Variants in CCDC171 observed in about 807,000 individuals in gnomAD.
CCDC171 encodes coiled-coil domain-containing protein 171.
CCDC171 carries 177 observed loss-of-function variants against 168.2 expected under a neutral mutation model. The observed-to-expected ratio is 1.05, with a 90% CI of 0.93 to 1.19. The LOEUF is 1.19. CCDC171 is among the 50% of genes most tolerant of loss of function. CCDC171 has a pLI of 0.00. For synonymous variants in CCDC171, 687 were observed against 540.8 expected, an observed-to-expected ratio of 1.27 and a Z score of -3.75; for missense variants, 1,991 against 1,539.0, an observed-to-expected ratio of 1.29 and a Z score of -4.91.
At chr9:15,610,280 C>A (rs1304783510) in intron 6 of CCDC171, among the ~76,000 whole-genome samples, 1 of 150,278 alleles carries the variant, frequency 6.7e-6, no homozygotes, top group Non-Finnish European at 1.5e-5. Flanking sequence ...GCTGGAAATG[C>A]AGTGGCTCGA....
downstream of CCDC171, among the ~76,000 whole-genome samples, chr9:15,978,056 A>C (rs997287982): frequency 6.6e-6 from 1 of 152,176 alleles, no homozygotes; most frequent in Non-Finnish European, 1.5e-5. Flanking sequence ...AGGCTTAGGC[A>C]GTAAAAGTGC....
chr9:15,688,553 T>C (rs1378827527), intron 10 of CCDC171, among the ~76,000 whole-genome samples: 3 of 152,196 alleles, frequency 2.0e-5, no homozygotes, highest in Non-Finnish European at 4.4e-5. Flanking sequence ...AGGAATGTAA[T>C]ACTAGTTTAA....
intron 7 of CCDC171, among the ~76,000 whole-genome samples, chr9:15,625,130 G>C (rs1252835173): frequency 2.0e-5 from 3 of 152,130 alleles, no homozygotes; most frequent in Non-Finnish European, 2.9e-5. Flanking sequence ...AGAAGTGTCT[G>C]TTCATATCCT....
chr9:15,642,553 T>A (rs1375082284), intron 7 of CCDC171, among the ~76,000 whole-genome samples: 2 of 151,666 alleles, frequency 1.3e-5, no homozygotes, highest in Non-Finnish European at 2.9e-5. Flanking sequence ...TCTGCTGGAT[T>A]TGAGAATTAA....
At chr9:15,758,299 G>C (rs2056249406) in intron 18 of CCDC171, among the ~76,000 whole-genome samples, 1 of 152,222 alleles carries the variant, frequency 6.6e-6, no homozygotes, top group African/African-American at 2.4e-5. Flanking sequence ...GGAGTCAAAG[G>C]AGATCATTTT....
chr9:15,729,478 T>C (rs1267749608), intron 15 of CCDC171, 132 bp from the exon 16 acceptor site: 1 of 510,660 alleles, frequency 2.0e-6, no homozygotes, highest in Non-Finnish European at 3.2e-6. Context: ...TTATTTACAT[T>C]TTATGTTAAA....
intron 4 of CCDC171, chr9:15,587,779 G>C (rs2041679258): frequency 3.0e-6 from 1 of 333,906 alleles, no homozygotes; most frequent in Non-Finnish European, 6.2e-6. Flanking sequence ...CCAGATATAT[G>C]AGGAAACCCT....
At chr9:16,101,473 TG>T in the CCDC171 span, among the ~76,000 whole-genome samples, 1 of 152,230 alleles carries the variant, frequency 6.6e-6, no homozygotes, top group Non-Finnish European at 1.5e-5. Flanking sequence ...AACCCGTGAA[TG>T]TGATGCAACA....
intron 7 of CCDC171, among the ~76,000 whole-genome samples, chr9:15,625,886 T>C (rs561455382): frequency 1.3e-5 from 2 of 152,336 alleles, no homozygotes; most frequent in Non-Finnish European, 2.9e-5. Flanking sequence ...GGGATGGCAT[T>C]GAATCTATAA....
chr9:15,954,451 T>G (rs1829563273), intron 25 of CCDC171, among the ~76,000 whole-genome samples: 1 of 152,230 alleles, frequency 6.6e-6, no homozygotes, highest in East Asian at 1.9e-4. Flanking sequence ...TATTTAAGAG[T>G]GTGTTGTTTA....
chr9:15,664,707 T>G (rs1202614750), intron 8 of CCDC171, among the ~76,000 whole-genome samples: 2 of 148,610 alleles, frequency 1.3e-5, no homozygotes, highest in East Asian at 1.9e-4. Context: ...TTTTTTTTTT[T>G]TTTTTTTTGA....
Position 16,060,540 on chromosome 9 carries a change from G to A in CCDC171, n.90-106G>A, listed in dbSNP as rs148638818. On this transcript the variant is annotated intron_variant and non_coding_transcript_variant, in intron 1 of 1. Transcript: ENST00000478913. ...CATTGCTATCAACTCTCTGTAAATG[G>A]TGGGTTCATTCACTCTGTGGATGAC... is the stretch of plus-strand genomic sequence containing the variant. 2.6e-5 allele frequency: 4 copies of A among 152,362 alleles called. No homozygotes were observed. In the East Asian group the frequency reaches 5.8e-4, roughly 22 times the overall value. 9.4% of individuals were successfully genotyped at this position (152,362 alleles called of 1,614,324 possible).
chr9:15,942,604 G>A (rs997136872), intron 25 of CCDC171, among the ~76,000 whole-genome samples: 1 of 151,888 alleles, frequency 6.6e-6, no homozygotes, highest in African/African-American at 2.4e-5. Context: ...GAATATACTA[G>A]TAGACAATCT....
At chr9:15,707,998 G>T (rs2052374067) in intron 11 of CCDC171, among the ~76,000 whole-genome samples, 1 of 152,124 alleles carries the variant, frequency 6.6e-6, no homozygotes, top group African/African-American at 2.4e-5. Context: ...CAGGCATCCA[G>T]CACTACGCCT....
Position 15,848,914 on chromosome 9 carries a change from T to C in CCDC171, c.3435T>C (p.Asn1145=), listed in dbSNP as rs763199854. 2 of 1,570,372 alleles carry C rather than the reference T, an allele frequency of 1.3e-6. No individual in the cohort carries two copies. Among genetic ancestry groups the C allele is most frequent in the Non-Finnish European group, 1.7e-6 (2 of 1,156,524 alleles). Residue 1145 remains asparagine, a synonymous_variant, in exon 23 of 26, where the codon AAT becomes AAC. Coordinates refer to ENST00000380701, the MANE Select transcript of CCDC171 (RefSeq NM_173550.4). ...MAAKDKECVA[N]HMRAVENTLH... ...CTAGAGACAAAGAATGTGTTGCTAA[T>C]CACATGAGAGCAGTAGAAAATACGC...
In CCDC171 at chr9:15,983,369, T is replaced by A. The variant is rs144048139; in HGVS notation, n.369-37220T>A. Among the ~76,000 whole-genome samples, 66 of 152,272 alleles carry A rather than the reference T, an allele frequency of 4.3e-4. No individual in the cohort carries two copies. In the East Asian group the frequency reaches 6.0e-3, roughly 14 times the overall value. On this transcript the variant is annotated intron_variant and non_coding_transcript_variant, in intron 3 of 9. Coordinates refer to the CCDC171 transcript ENST00000486641. ...TTTCTAGCAATATCTGTTTTTCTTT[T>A]TTTAAAAAAACATATTTTACTATTT...
At chr9:15,626,625 T>G (rs866897868) in intron 7 of CCDC171, among the ~76,000 whole-genome samples, 10 of 152,232 alleles carry the variant, frequency 6.6e-5, no homozygotes, top group African/African-American at 2.2e-4. Flanking sequence ...TTTATTGATT[T>G]GTGTACGTTG....
At chr9:16,087,724 T>C in the CCDC171 span, among the ~76,000 whole-genome samples, 1 of 152,088 alleles carries the variant, frequency 6.6e-6, no homozygotes, top group African/African-American at 2.4e-5. Context: ...GTCTTCTAAT[T>C]GGGGCATTTA....
intron 4 of CCDC171, among the ~76,000 whole-genome samples, chr9:15,585,794 A>G (rs1251287872): frequency 2.0e-5 from 3 of 152,150 alleles, no homozygotes; most frequent in African/African-American, 7.2e-5. Context: ...CCTGACCAAC[A>G]TAGTGAAACC....
Sources: allele counts gnomAD v4.1 joint callset (sites outside exome capture counted in the v4.1 genomes callset), GRCh38; gene constraint gnomAD v4.1.1; transcripts MANE v1.5; gene names NCBI Gene and HGNC (gene_info 2026-07-23, HGNC 2026-07-21).